Variants in LHFPL6 observed in about 807,000 individuals in gnomAD.
LHFPL6 encodes the protein LHFPL tetraspan subfamily member 6 protein.
LHFPL6 carries 9 observed loss-of-function variants against 20.6 expected under a neutral mutation model. The observed-to-expected ratio is 0.44, with a 90% confidence interval of 0.26 to 0.76. The LOEUF is 0.76. LHFPL6 is among the 30% of genes least tolerant of loss of function. The probability of loss-of-function intolerance (pLI) is 0.20; values close to 1 mark genes in which losing one functional copy is unlikely to be tolerated. For synonymous variants in LHFPL6, 105 were observed against 98.7 expected (o/e 1.06, Z -0.38); for missense variants, 218 against 253.5 (o/e 0.86, Z 0.95).
chr13:39,599,423 T>C (rs1384207826), intron 2 of LHFPL6, among the ~76,000 whole-genome samples: 1 of 152,250 alleles, frequency 6.6e-6, no homozygotes, highest in Non-Finnish European at 1.5e-5. Flanking sequence ...GACAACTTCT[T>C]TAGGTTTCCT....
chr13:39,485,730 GGAT>G (rs1297199354), intron 2 of LHFPL6, among the ~76,000 whole-genome samples: 4 of 152,142 alleles, frequency 2.6e-5, no homozygotes, highest in Admixed American at 2.0e-4. Context: ...CTAAAGGAAA[GGAT>G]GAATGAGCCC....
chr13:39,500,943 G>A (rs1869273600), intron 2 of LHFPL6, among the ~76,000 whole-genome samples: 1 of 152,144 alleles, frequency 6.6e-6, no homozygotes, highest in African/African-American at 2.4e-5. Context: ...AGATTGCTGG[G>A]CTCTACCTCC....
Position 39,603,109 on chromosome 13 carries a change from G to A in LHFPL6, c.-401C>T, listed in dbSNP as rs1171571967. 1.3e-5 allele frequency: 2 copies of A among 152,300 alleles called. No homozygotes were observed. Among genetic ancestry groups the A allele is most frequent in the African/African-American group, 4.8e-5 (2 of 41,460 alleles). The allele number at this position is 152,300 out of a possible 1,614,324, so 9.4% of individuals were successfully genotyped here. On this transcript the variant is annotated 5_prime_UTR_variant, in exon 1 of 4. Coordinates refer to ENST00000379589, the MANE Select transcript of LHFPL6 (RefSeq NM_005780.3). ...GCACCAGCGGAGACCCCCACTCCCG[G>A]CGAGTCCGCGGCGGCAGCTCTGGCG... is the stretch of plus-strand genomic sequence containing the variant.
At chr13:39,581,599 T>C (rs530429597) in intron 2 of LHFPL6, among the ~76,000 whole-genome samples, 282 of 5,210 alleles carry the variant, frequency 0.054, 4 homozygotes, top group Middle Eastern at 0.25. Flanking sequence ...CTCTCTCTCT[T>C]TTTTTTTTTT....
intron 2 of LHFPL6, among the ~76,000 whole-genome samples, chr13:39,560,504 C>CTTTTTTTTTT (rs376446144): frequency 5.9e-5 from 7 of 118,174 alleles, no homozygotes; most frequent in East Asian, 2.6e-4. Context: ...TGCAAATTCT[C>CTTTTTTTTTT]TTTTTTTTTT....
At chr13:39,402,544 A>T (rs943132506) in intron 2 of LHFPL6, among the ~76,000 whole-genome samples, 1 of 152,140 alleles carries the variant, frequency 6.6e-6, no homozygotes, top group Non-Finnish European at 1.5e-5. Context: ...TTGCTTTTTT[A>T]AATATAGAAA....
intron 1 of LHFPL6, among the ~76,000 whole-genome samples, chr13:39,602,595 C>T (rs929144509): frequency 1.3e-5 from 2 of 151,436 alleles, no homozygotes; most frequent in African/African-American, 2.5e-5. Context: ...ATTGCCTCAC[C>T]GAGCCACTCC....
intron 2 of LHFPL6, among the ~76,000 whole-genome samples, chr13:39,530,464 G>A (rs553353578): frequency 1.8e-4 from 28 of 151,944 alleles, no homozygotes; most frequent in Non-Finnish European, 3.7e-4. Flanking sequence ...ATGAGGAGAC[G>A]TTCTGTTACC....
intron 2 of LHFPL6, among the ~76,000 whole-genome samples, chr13:39,542,200 G>A (rs578054584): frequency 2.4e-3 from 369 of 151,736 alleles, no homozygotes; most frequent in Middle Eastern, 3.4e-3. Context: ...AAGGATTAGG[G>A]AGACTCCTGG....
intron 2 of LHFPL6, among the ~76,000 whole-genome samples, chr13:39,506,244 A>G (rs9576827): frequency 0.1 from 15,641 of 152,174 alleles, 1,690 homozygotes; most frequent in East Asian, 0.61. Context: ...AATAGATGTG[A>G]TTAGGAAAAC....
At chr13:39,579,275 A>G (rs1418135513) in intron 2 of LHFPL6, among the ~76,000 whole-genome samples, 5 of 152,188 alleles carry the variant, frequency 3.3e-5, no homozygotes, top group Non-Finnish European at 5.9e-5. Flanking sequence ...CACCCACCAC[A>G]AGTCTTCTGA....
intron 2 of LHFPL6, among the ~76,000 whole-genome samples, chr13:39,520,308 T>G (rs930601448): frequency 6.6e-6 from 1 of 152,136 alleles, no homozygotes; most frequent in African/African-American, 2.4e-5. Flanking sequence ...AAAGCTACCC[T>G]GAGAATGTGG....
At chr13:39,600,540 C>G (rs1872903401) in intron 2 of LHFPL6, among the ~76,000 whole-genome samples, 1 of 152,136 alleles carries the variant, frequency 6.6e-6, no homozygotes, top group Non-Finnish European at 1.5e-5. Flanking sequence ...CTATAAAATC[C>G]AAACTGTCGC....
chr13:39,500,513 C>T (rs988495727), intron 2 of LHFPL6, among the ~76,000 whole-genome samples: 8 of 152,114 alleles, frequency 5.3e-5, no homozygotes, highest in African/African-American at 1.9e-4. Context: ...TCCCAGACTC[C>T]CAAAGTTCTG....
intron 2 of LHFPL6, among the ~76,000 whole-genome samples, chr13:39,515,729 T>C (rs1391203149): frequency 6.6e-6 from 1 of 152,158 alleles, no homozygotes; most frequent in Non-Finnish European, 1.5e-5. Context: ...TTGTCTTCCC[T>C]GCCATACAGA....
intron 2 of LHFPL6, among the ~76,000 whole-genome samples, chr13:39,501,432 G>T (rs7982627): frequency 0.31 from 47,425 of 151,828 alleles, 7,859 homozygotes; most frequent in Middle Eastern, 0.42. Context: ...TCTGCCTCCC[G>T]AATTCAATTA....
rs554081992 is a variant in LHFPL6, at chr13:39,418,322, T to C, written c.386-39796A>G. ...ATAGATTCAAAATGAAATGATTGCC[T>C]AGAAGTATGCTCTGATTCCTAAAAT... On this transcript the variant is annotated intron_variant, in intron 2 of 3. Coordinates refer to ENST00000379589, the MANE Select transcript of LHFPL6 (RefSeq NM_005780.3). 2.6e-5 allele frequency among the ~76,000 whole-genome samples: 4 copies of C among 151,680 alleles called. No homozygotes were observed. The East Asian group carries it at 7.8e-4, about 29-fold the overall frequency.
chr13:39,426,439 C>T (rs1033114415), intron 2 of LHFPL6, among the ~76,000 whole-genome samples: 15 of 152,090 alleles, frequency 9.9e-5, no homozygotes, highest in Non-Finnish European at 1.6e-4. Context: ...AGGCTGGTCT[C>T]GAACTCCCGA....
At chr13:39,580,930 C>T (rs1367330215) in intron 2 of LHFPL6, among the ~76,000 whole-genome samples, 1 of 152,158 alleles carries the variant, frequency 6.6e-6, no homozygotes, top group African/African-American at 2.4e-5. Context: ...GTAATGTGAA[C>T]ACACGAATAA....
Sources: allele counts gnomAD v4.1 joint callset (sites outside exome capture counted in the v4.1 genomes callset), GRCh38; gene constraint gnomAD v4.1.1; transcripts MANE v1.5; gene names NCBI Gene and HGNC (gene_info 2026-07-23, HGNC 2026-07-21).